PSD3: variants seen among roughly 807,000 people sequenced by gnomAD.
PSD3 encodes the protein PH and SEC7 domain-containing protein 3.
Under a neutral mutation model 105.5 loss-of-function variants are expected in PSD3, and 49 were observed. The observed-to-expected ratio is 0.46, with a 90% CI of 0.37 to 0.59. PSD3 has a LOEUF of 0.59. PSD3 is among the 20% of genes least tolerant of loss of function. The probability of loss-of-function intolerance (pLI) is 0.00; values close to 1 mark genes in which losing one functional copy is unlikely to be tolerated. For missense variants in PSD3, 1,561 were observed against 1,263.8 expected (o/e 1.24, Z -3.57); for synonymous variants, 557 against 457.8 (o/e 1.22, Z -2.77).
chr8:18,758,143 C>T (rs757335062), intron 9 of PSD3, among the ~76,000 whole-genome samples: 6 of 152,106 alleles, frequency 3.9e-5, no homozygotes, highest in Non-Finnish European at 8.8e-5. Context: ...TAGCACAAAC[C>T]AGAATGTTGA....
At chr8:18,764,655 T>A (rs1806819149) in intron 9 of PSD3, among the ~76,000 whole-genome samples, 1 of 152,180 alleles carries the variant, frequency 6.6e-6, no homozygotes, top group African/African-American at 2.4e-5. Flanking sequence ...TATCATACAT[T>A]TCCATACCAT....
chr8:18,815,303 T>C (rs1395701343), intron 4 of PSD3, among the ~76,000 whole-genome samples: 1 of 152,142 alleles, frequency 6.6e-6, no homozygotes. Flanking sequence ...TCAAATTCTT[T>C]TTTTTGTGGG....
rs558740493 is a variant in PSD3 at position 18,656,829 on chromosome 8, C to A, written c.2173-1144G>T. 7.4e-4 allele frequency among the ~76,000 whole-genome samples: 112 copies of A among 152,320 alleles called. 3 individuals are homozygous for A. In the South Asian group the frequency reaches 0.023, roughly 31 times the overall value. ...CAAACTCCAGGGCTCAAGTGATTCT[C>A]CTGCCTCAGCTTCCTGAACAGCTGG... is the stretch of plus-strand genomic sequence containing the variant. On this transcript the variant is annotated intron_variant, in intron 9 of 15. Transcript: ENST00000327040.
intron 9 of PSD3, among the ~76,000 whole-genome samples, chr8:18,740,537 A>G (rs1474634202): frequency 2.0e-5 from 3 of 152,148 alleles, no homozygotes; most frequent in Non-Finnish European, 2.9e-5. Context: ...AGTCTGAGTG[A>G]CCTTGGATGA....
intron 9 of PSD3, among the ~76,000 whole-genome samples, chr8:18,694,177 G>C (rs868714814): frequency 1.3e-5 from 2 of 152,148 alleles, no homozygotes; most frequent in African/African-American, 2.4e-5. Context: ...TCAATAAAAT[G>C]TTCCTGGTCC....
chr8:18,706,554 G>C (rs1032047609), intron 9 of PSD3, among the ~76,000 whole-genome samples: 1 of 152,178 alleles, frequency 6.6e-6, no homozygotes, highest in Non-Finnish European at 1.5e-5. Flanking sequence ...CCATATAGAA[G>C]AGCACTGGTG....
rs900444334 is a variant in PSD3 at position 18,974,339 on chromosome 8, A to G, written c.22-38197T>C. Among the ~76,000 whole-genome samples the G allele has an allele frequency of 5.9e-5, 9 of 152,192 alleles. No individual in the cohort carries two copies. In the South Asian group the frequency reaches 8.3e-4, roughly 14 times the overall value. ...ATGCAAATCTTTTATGTCAATTACA[A>G]TGCACTCCAACTAGGCTCTGACTTG... On this transcript the variant is annotated intron_variant, in intron 1 of 15. Transcript: ENST00000327040.
chr8:18,572,412 A>G, intron 14 of PSD3, 116 bp downstream of exon 14: 4 of 1,258,702 alleles, frequency 3.2e-6, no homozygotes, highest in Non-Finnish European at 4.4e-6. Flanking sequence ...ACGCTCTCAC[A>G]GGGCAAGGTC....
intron 9 of PSD3, among the ~76,000 whole-genome samples, chr8:18,693,595 G>A (rs1053869120): frequency 6.6e-6 from 1 of 152,098 alleles, no homozygotes; most frequent in Non-Finnish European, 1.5e-5. Flanking sequence ...ACCTAAGCCC[G>A]GCCATATGAT....
intron 11 of PSD3, among the ~76,000 whole-genome samples, chr8:18,621,615 C>T (rs762983808): frequency 4.6e-4 from 70 of 152,132 alleles, no homozygotes; most frequent in Admixed American, 4.6e-4. Flanking sequence ...TAGAGAGTCA[C>T]GTGACAAGGT....
At chr8:18,769,298 T>C (rs1270156898) in intron 8 of PSD3, among the ~76,000 whole-genome samples, 2 of 152,212 alleles carry the variant, frequency 1.3e-5, no homozygotes. Flanking sequence ...TATTTTTTGA[T>C]ATGTGATCTG....
intron 2 of PSD3, among the ~76,000 whole-genome samples, chr8:18,907,828 T>C (rs1369316395): frequency 2.0e-5 from 3 of 152,234 alleles, no homozygotes; most frequent in Non-Finnish European, 4.4e-5. Flanking sequence ...TAATGATACA[T>C]AGTTGCCGCA....
chr8:19,010,750 G>A (rs1826914468), intron 1 of PSD3, among the ~76,000 whole-genome samples: 1 of 152,056 alleles, frequency 6.6e-6, no homozygotes, highest in African/African-American at 2.4e-5. Flanking sequence ...CCGAACAAAT[G>A]CTCTGGAGAA....
intron 11 of PSD3, among the ~76,000 whole-genome samples, chr8:18,600,845 T>C (rs954236002): frequency 3.3e-5 from 5 of 152,172 alleles, no homozygotes; most frequent in East Asian, 1.9e-4. Context: ...AGAGCCTTTA[T>C]AGCTTCTTCA....
At chr8:18,662,302 A>T (rs1370779525) in intron 9 of PSD3, among the ~76,000 whole-genome samples, 1 of 152,220 alleles carries the variant, frequency 6.6e-6, no homozygotes, top group Non-Finnish European at 1.5e-5. Flanking sequence ...CTAGGTACAG[A>T]TGAATCTGTT....
chr8:19,076,303 T>A (rs1829461747), intron 1 of PSD3, among the ~76,000 whole-genome samples: 1 of 152,096 alleles, frequency 6.6e-6, no homozygotes, highest in Non-Finnish European at 1.5e-5. Context: ...TCTACTTGCC[T>A]TGCAATAGAA....
At chr8:18,831,213 T>A (rs184100800) in intron 4 of PSD3, among the ~76,000 whole-genome samples, 141 of 152,328 alleles carry the variant, frequency 9.3e-4, no homozygotes, top group African/African-American at 3.3e-3. Flanking sequence ...TCACTTAACA[T>A]CTCAGCTTCC....
intron 11 of PSD3, among the ~76,000 whole-genome samples, chr8:18,628,534 T>A (rs1410602188): frequency 6.6e-6 from 1 of 151,906 alleles, no homozygotes. Flanking sequence ...ATTTTCACAC[T>A]GATAAAACAT....
intron 8 of PSD3, among the ~76,000 whole-genome samples, chr8:18,772,022 C>T (rs1807587382): frequency 6.6e-6 from 1 of 152,146 alleles, no homozygotes; most frequent in African/African-American, 2.4e-5. Context: ...AGCATAATGT[C>T]CTCAAGGTTC....
Sources: allele counts gnomAD v4.1 joint callset (sites outside exome capture counted in the v4.1 genomes callset), GRCh38; gene constraint gnomAD v4.1.1; transcripts MANE v1.5; gene names NCBI Gene and HGNC (gene_info 2026-07-23, HGNC 2026-07-21).